CC2D2B: variants seen among roughly 807,000 people sequenced by gnomAD.
CC2D2B encodes the protein protein CC2D2B.
CC2D2B carries 128 observed loss-of-function variants against 161.2 expected under a neutral mutation model. The observed-to-expected ratio is 0.79, with a 90% CI of 0.69 to 0.92. The LOEUF (loss-of-function observed/expected upper bound fraction) is 0.92. Among genes scored for constraint, CC2D2B ranks in the 40% least tolerant of loss-of-function variants. The pLI is 0.00. For synonymous variants in CC2D2B, 391 were observed against 449.8 expected, an observed-to-expected ratio of 0.87 and a Z score of 1.65; for missense variants, 1,173 against 1,375.1, an observed-to-expected ratio of 0.85 and a Z score of 2.32.
intron 2 of CC2D2B, chr10:95,921,168 G>C (rs1161504968): frequency 6.6e-6 from 1 of 152,364 alleles, no homozygotes; most frequent in African/African-American, 2.4e-5. Flanking sequence ...TGGTGGTGGG[G>C]CTAGCTGGAA....
chr10:95,942,535 C>A (rs1332201460), intron 9 of CC2D2B, among the ~76,000 whole-genome samples: 2 of 152,060 alleles, frequency 1.3e-5, no homozygotes, highest in Non-Finnish European at 2.9e-5. Flanking sequence ...TTTAAAATAT[C>A]CCCTTCTTCA....
In CC2D2B at chr10:96,031,943, C is replaced by G; in HGVS notation, c.4249C>G (p.His1417Asp). 6.2e-7 allele frequency: 1 copy of G among 1,613,734 alleles called. No individual in the cohort carries two copies. The highest frequency in any genetic ancestry group is 8.5e-7 in the Non-Finnish European group (1 of 1,179,682). Reference protein sequence around the residue: ...QTEFALAVYIHPYPNNILSVW... With the variant: ...QTEFALAVYIDPYPNNILSVW... The stretch of plus-strand genomic sequence containing the variant: ...AGAATTTGCTTTAGCTGTATACATT[C>G]ACCCATACCCAAACAACATATTATC... The change falls in exon 35 of 35, where the codon CAC (histidine) becomes GAC (aspartate). Residue 1417 changes from histidine (H) to aspartate (D), a missense_variant. Physicochemically the swap from His to Asp is moderately conservative, Grantham distance 81 (BLOSUM62 -1). Coordinates refer to ENST00000646931, the MANE Select transcript of CC2D2B (RefSeq NM_001349008.3).
At position 95,924,747 on chromosome 10, in the gene CC2D2B, T is replaced by G. The variant is rs778455579; in HGVS notation, c.175-32T>G. On this transcript the variant is annotated intron_variant, in intron 4 of 34. Coordinates refer to ENST00000646931, the MANE Select transcript of CC2D2B (RefSeq NM_001349008.3). ...GACTTATGAGCACAATTATGTCTAT[T>G]TCTGTAAAGATTTATTTATGTTGTG... is the stretch of plus-strand genomic sequence containing the variant. The G allele has an allele frequency of 1.3e-5, 18 of 1,380,830 alleles. No individual in the cohort carries two copies. In the South Asian group the frequency reaches 2.3e-4, roughly 17 times the overall value. The allele number at this position is 1,380,830 out of a possible 1,614,324, so 85.5% of individuals were successfully genotyped here. A position where few individuals can be genotyped will look rare whatever the true frequency, so the allele number is the denominator to read the frequency against.
At chr10:96,025,392 T>C (rs902094658) in intron 33 of CC2D2B, among the ~76,000 whole-genome samples, 2 of 145,022 alleles carry the variant, frequency 1.4e-5, no homozygotes, top group Non-Finnish European at 3.0e-5. Flanking sequence ...AAAAGTTCCA[T>C]TGAACCACCT....
chr10:96,012,390 T>C (rs765384511), intron 27 of CC2D2B, 23 bp downstream of exon 27: 2 of 686,294 alleles, frequency 2.9e-6, no homozygotes, highest in Admixed American at 4.9e-5. Flanking sequence ...TTGAATTTCT[T>C]TTATATATAC....
intron 2 of CC2D2B, among the ~76,000 whole-genome samples, chr10:95,916,421 ATTTC>A (rs1266272702): frequency 6.6e-6 from 1 of 151,330 alleles, no homozygotes; most frequent in Non-Finnish European, 1.5e-5. Context: ...TGTTTTTACT[ATTTC>A]TTCTATGAAT....
At chr10:96,003,011 A>AAAAT (rs1401669350) in intron 24 of CC2D2B, among the ~76,000 whole-genome samples, 15 of 132,482 alleles carry the variant, frequency 1.1e-4, no homozygotes, top group Admixed American at 3.1e-4. Context: ...CCTGTCTCAA[A>AAAAT]AAATAAATAA....
At chr10:96,021,300 G>C (rs1197468521) in intron 32 of CC2D2B, 3 of 152,206 alleles carry the variant, frequency 2.0e-5, no homozygotes, top group Non-Finnish European at 4.4e-5. Flanking sequence ...ACATTCATTA[G>C]AGAATTGCTT....
chr10:95,949,657 T>TAA (rs199910981), intron 9 of CC2D2B, among the ~76,000 whole-genome samples: 12,048 of 98,936 alleles, frequency 0.12, 1,029 homozygotes, highest in African/African-American at 0.28. Context: ...TAGAGTATAA[T>TAA]AAAAAAAAAA....
In CC2D2B at chr10:96,032,672, C is replaced by A; in HGVS notation, c.*664C>A. 2.7e-6 allele frequency: 1 copy of A among 372,186 alleles called. No individual in the cohort carries two copies. Among genetic ancestry groups the A allele is most frequent in the Non-Finnish European group, 5.6e-6 (1 of 178,168 alleles). 23.1% of individuals were successfully genotyped at this position (372,186 alleles called of 1,614,324 possible). A position where few individuals can be genotyped will look rare whatever the true frequency, so the allele number is the denominator to read the frequency against. On this transcript the variant is annotated 3_prime_UTR_variant, in exon 35 of 35. Coordinates refer to ENST00000646931, the MANE Select transcript of CC2D2B (RefSeq NM_001349008.3). ...TAAAGAAAAATAAAATAAAATCTACCATGTTGGGCTGATGTTGGCTTCTGG... is the reference window on the plus strand; with the variant it reads ...TAAAGAAAAATAAAATAAAATCTACAATGTTGGGCTGATGTTGGCTTCTGG...
chr10:95,999,828 G>T, intron 24 of CC2D2B: 1 of 459,532 alleles, frequency 2.2e-6, no homozygotes. Context: ...CCTTCCCATT[G>T]GGTCTCACAA....
chr10:95,931,466 G>A (rs1482462956), intron 6 of CC2D2B, among the ~76,000 whole-genome samples: 1 of 152,080 alleles, frequency 6.6e-6, no homozygotes, highest in Non-Finnish European at 1.5e-5. Flanking sequence ...TCTTTTAATT[G>A]TGATGTTAGG....
At chr10:95,989,673 G>A (rs1437669202) in intron 20 of CC2D2B, among the ~76,000 whole-genome samples, 1 of 152,194 alleles carries the variant, frequency 6.6e-6, no homozygotes, top group Non-Finnish European at 1.5e-5. Context: ...GCAAGTATCT[G>A]AGTATGCTTG....
intron 12 of CC2D2B, among the ~76,000 whole-genome samples, chr10:95,962,341 A>G (rs1456782967): frequency 1.3e-5 from 2 of 152,164 alleles, no homozygotes; most frequent in Non-Finnish European, 2.9e-5. Context: ...AAACAGTGCT[A>G]CACACCTATT....
intron 20 of CC2D2B, among the ~76,000 whole-genome samples, chr10:95,989,455 T>TC (rs749078967): frequency 6.6e-6 from 1 of 152,148 alleles, no homozygotes; most frequent in African/African-American, 2.4e-5. Context: ...TTCCCACTCA[T>TC]CCCCTGCCTC....
intron 3 of CC2D2B, 79 bp downstream of exon 3, chr10:95,922,155 GT>G (rs2098528691): frequency 2.7e-6 from 2 of 747,556 alleles, no homozygotes; most frequent in African/African-American, 1.8e-5. Context: ...CTGTGCCAGG[GT>G]TTCAGCTGGG....
intron 2 of CC2D2B, among the ~76,000 whole-genome samples, chr10:95,911,622 G>A (rs1201286248): frequency 1.3e-5 from 2 of 151,978 alleles, no homozygotes; most frequent in Non-Finnish European, 2.9e-5. Context: ...CTCTCACCTA[G>A]CCAACAAGCC....
intron 6 of CC2D2B, among the ~76,000 whole-genome samples, chr10:95,931,132 GA>G (rs2098549382): frequency 6.6e-6 from 1 of 152,244 alleles, no homozygotes; most frequent in Admixed American, 6.5e-5. Flanking sequence ...ATGTGTCCAG[GA>G]ATTTATCCAT....
At chr10:95,909,917 C>T (rs977370966) in intron 1 of CC2D2B, among the ~76,000 whole-genome samples, 18 of 152,250 alleles carry the variant, frequency 1.2e-4, no homozygotes, top group East Asian at 9.6e-4. Context: ...GAGGCTGAGG[C>T]AGGAGGATTG....
Sources: gnomAD v4.1 joint callset for allele counts (sites outside exome capture counted in the v4.1 genomes callset) on GRCh38, gnomAD v4.1.1 for gene constraint, MANE v1.5 for transcripts, NCBI Gene and HGNC (gene_info 2026-07-23, HGNC 2026-07-21) for gene names.